PDE4D: variants seen among roughly 807,000 people sequenced by gnomAD.
The protein encoded by PDE4D is phosphodiesterase 4D, also known as 3',5'-cyclic-AMP phosphodiesterase 4D.
A neutral mutation model predicts 87.4 loss-of-function variants in PDE4D; 24 were observed. The ratio of observed to expected loss-of-function variants is 0.27; its 90% CI spans 0.20 to 0.39. The LOEUF is 0.39. PDE4D is among the 10% of genes least tolerant of loss of function. PDE4D has a pLI of 1.00. For missense variants in PDE4D, 714 were observed against 1,041.0 expected, an observed-to-expected ratio of 0.69 and a Z score of 4.32; for synonymous variants, 384 against 383.2, an observed-to-expected ratio of 1.00 and a Z score of -0.02.
At chr5:59,347,671 T>A (rs1039022631) in intron 1 of PDE4D, among the ~76,000 whole-genome samples, 1 of 152,150 alleles carries the variant, frequency 6.6e-6, no homozygotes, top group African/African-American at 2.4e-5. Context: ...TAATAGAAAG[T>A]ATATTGTAAA....
At chr5:59,386,772 A>G (rs538241945) in intron 1 of PDE4D, among the ~76,000 whole-genome samples, 2 of 152,240 alleles carry the variant, frequency 1.3e-5, no homozygotes, top group African/African-American at 4.8e-5. Flanking sequence ...TGCTGCACAA[A>G]GCATCTTAAT....
At chr5:60,115,671 A>G (rs955391476) in intron 2 of PDE4D, among the ~76,000 whole-genome samples, 5 of 152,094 alleles carry the variant, frequency 3.3e-5, no homozygotes. Context: ...TGCTATTTAA[A>G]TTCACGACTC....
chr5:59,104,802 G>C (rs1057317696), intron 5 of PDE4D, among the ~76,000 whole-genome samples: 2 of 152,044 alleles, frequency 1.3e-5, no homozygotes, highest in African/African-American at 4.8e-5. Flanking sequence ...AAGGCCTATG[G>C]CATTTGAAGG....
In PDE4D at chr5:59,961,188, A is replaced by G. The variant is rs1759427696; in HGVS notation, c.272+27300T>C. 2.6e-5 allele frequency among the ~76,000 whole-genome samples: 4 copies of G among 152,212 alleles called. No individual in the cohort carries two copies. The South Asian group carries it at 8.3e-4, about 32-fold the overall frequency. ...ATCTTTGCAGATGTAATTAAGGTAA[A>G]GATTTTGAGATAAGATCACCATGTA... On this transcript the variant is annotated intron_variant, in intron 3 of 16. Transcript: ENST00000502484.
At chr5:59,482,613 C>T (rs191651296) in intron 1 of PDE4D, among the ~76,000 whole-genome samples, 8 of 152,072 alleles carry the variant, frequency 5.3e-5, no homozygotes, top group Middle Eastern at 3.4e-3. Flanking sequence ...GAAATGGACC[C>T]ATAGAAGTTA....
At chr5:60,182,813 G>C (rs895846741) in intron 2 of PDE4D, among the ~76,000 whole-genome samples, 18 of 151,990 alleles carry the variant, frequency 1.2e-4, no homozygotes, top group Non-Finnish European at 2.2e-4. Flanking sequence ...CAGGGAGGCG[G>C]AGCTTGCAGT....
intron 1 of PDE4D, among the ~76,000 whole-genome samples, chr5:60,230,630 A>G (rs937759866): frequency 6.6e-6 from 1 of 152,122 alleles, no homozygotes; most frequent in Non-Finnish European, 1.5e-5. Flanking sequence ...CCTTCTTTCA[A>G]TATTACAAAA....
intron 5 of PDE4D, among the ~76,000 whole-genome samples, chr5:59,092,311 G>A (rs1050397693): frequency 1.3e-5 from 2 of 152,164 alleles, no homozygotes; most frequent in Non-Finnish European, 2.9e-5. Flanking sequence ...GTTAGAAAGA[G>A]TACATTTATT....
chr5:59,696,012 C>A (rs73758854), intron 1 of PDE4D, among the ~76,000 whole-genome samples: 1,637 of 152,190 alleles, frequency 0.011, 24 homozygotes, highest in African/African-American at 0.038. Flanking sequence ...GTGCTAATAC[C>A]TTTAGTTATT....
intron 5 of PDE4D, among the ~76,000 whole-genome samples, chr5:59,085,623 G>T (rs1041050760): frequency 2.0e-5 from 3 of 152,118 alleles, no homozygotes; most frequent in East Asian, 1.9e-4. Context: ...AGGACAATGG[G>T]CATAAACTGA....
chr5:60,035,944 A>G (rs375796995), intron 2 of PDE4D, among the ~76,000 whole-genome samples: 2 of 152,238 alleles, frequency 1.3e-5, no homozygotes, highest in African/African-American at 4.8e-5. Flanking sequence ...TGATTTTAAA[A>G]GATACACAAC....
At chr5:60,336,535 C>G (rs1031091625) in intron 1 of PDE4D, among the ~76,000 whole-genome samples, 1 of 152,216 alleles carries the variant, frequency 6.6e-6, no homozygotes, top group Non-Finnish European at 1.5e-5. Context: ...TGGCTGCAAG[C>G]TGCCCAGATA....
intron 1 of PDE4D, among the ~76,000 whole-genome samples, chr5:60,302,228 G>GT (rs1326831183): frequency 6.6e-6 from 1 of 152,090 alleles, no homozygotes; most frequent in African/African-American, 2.4e-5. Context: ...TTTTGGAATA[G>GT]TTTCAGCAGA....
chr5:59,856,480 T>C (rs1745460987), intron 1 of PDE4D, among the ~76,000 whole-genome samples: 2 of 152,186 alleles, frequency 1.3e-5, no homozygotes, highest in Admixed American at 1.3e-4. Context: ...ATAAATCTCG[T>C]AGTGATGAGC....
At chr5:59,717,878 C>T (rs1393902972) in intron 1 of PDE4D, among the ~76,000 whole-genome samples, 1 of 152,200 alleles carries the variant, frequency 6.6e-6, no homozygotes, top group Non-Finnish European at 1.5e-5. Context: ...CCCCATTTTG[C>T]AGATGAGGGA....
Position 60,190,559 on chromosome 5 carries a change from G to C in PDE4D, c.-89-4872C>G, listed in dbSNP as rs1272563278. On this transcript the variant is annotated intron_variant, in intron 1 of 16. Transcript: ENST00000502484. ...TAGAGGCTATAGAATCTGAGATTTA[G>C]AAAGAACGTAGAGTACAAATAGGGT... is the stretch of plus-strand genomic sequence containing the variant. Among the ~76,000 whole-genome samples the C allele has an allele frequency of 3.3e-5, 5 of 152,294 alleles. No individual in the cohort carries two copies. In the South Asian group the frequency reaches 8.3e-4, roughly 25 times the overall value.
chr5:60,134,328 A>AC (rs1193361067), intron 2 of PDE4D, among the ~76,000 whole-genome samples: 3 of 151,942 alleles, frequency 2.0e-5, no homozygotes, highest in Non-Finnish European at 4.4e-5. Flanking sequence ...TTTTGTAGAG[A>AC]CCCCATCTCC....
At chr5:60,078,432 A>T (rs1359204636) in intron 2 of PDE4D, among the ~76,000 whole-genome samples, 1 of 151,454 alleles carries the variant, frequency 6.6e-6, no homozygotes, top group Non-Finnish European at 1.5e-5. Flanking sequence ...TATTTCTTGT[A>T]AAAAAAACGG....
intron 1 of PDE4D, among the ~76,000 whole-genome samples, chr5:59,517,445 T>C (rs750887678): frequency 6.6e-6 from 1 of 152,230 alleles, no homozygotes; most frequent in Non-Finnish European, 1.5e-5. Flanking sequence ...ACCTTTGTTT[T>C]AGACTCTAGG....
Sources: allele counts gnomAD v4.1 joint callset (sites outside exome capture counted in the v4.1 genomes callset), GRCh38; gene constraint gnomAD v4.1.1; transcripts MANE v1.5; gene names NCBI Gene and HGNC (gene_info 2026-07-23, HGNC 2026-07-21).